TCF3: variants seen among roughly 807,000 people sequenced by gnomAD.
TCF3 encodes transcription factor 3.
TCF3 carries 54 observed loss-of-function variants against 72.3 expected under a neutral mutation model. That is an observed-to-expected ratio of 0.75 (90% CI 0.60 to 0.94). The LOEUF is 0.94. TCF3 is among the 40% of genes least tolerant of loss of function. The pLI, the probability that TCF3 is intolerant of heterozygous loss-of-function variation, is 0.00. For missense variants in TCF3, 1,078 were observed against 934.4 expected, an observed-to-expected ratio of 1.15 and a Z score of -2.00; for synonymous variants, 525 against 412.6, an observed-to-expected ratio of 1.27 and a Z score of -3.30.
Position 1,619,833 on chromosome 19 carries a change from C to CTCT in TCF3, c.1113_1114insAGA (p.Arg371dup), listed in dbSNP as rs745478978. On this transcript the variant is annotated inframe_insertion, in exon 14 of 19. Transcript: ENST00000262965. ...GGCGATAAGGCACCGGGGGCTCCTGCTCGAGGCCACTGTGACGTTCCTGGA... is the reference window on the plus strand; with the variant it reads ...GGCGATAAGGCACCGGGGGCTCCTGCTCTTCGAGGCCACTGTGACGTTCCTGGA... The CTCT allele has an allele frequency of 6.3e-6, 10 of 1,578,196 alleles. No homozygotes were observed. The highest frequency in any genetic ancestry group is 8.6e-6 in the Non-Finnish European group (10 of 1,162,916).
intron 16 of TCF3, chr19:1,616,599 G>A (rs1184427987): frequency 6.6e-6 from 1 of 151,966 alleles, no homozygotes; most frequent in Non-Finnish European, 1.5e-5. Flanking sequence ...AGTGCTCAAA[G>A]CGCTGCTTTT....
In TCF3 at chr19:1,625,442, G is replaced by A. The variant is rs1243642566; in HGVS notation, c.499+134C>T. The A allele has an allele frequency of 1.3e-5, 15 of 1,188,744 alleles. No individual in the cohort carries two copies. The East Asian group carries it at 2.6e-4, about 20-fold the overall frequency. 73.6% of individuals were successfully genotyped at this position (1,188,744 alleles called of 1,614,324 possible). ...CGTCCATCCCTCCCACGGCCCGAGC[G>A]CCCGACGTCCAGCCAGGACCTGGAA... is the stretch of plus-strand genomic sequence containing the variant. On this transcript the variant is annotated intron_variant, in intron 7 of 18. Coordinates refer to ENST00000262965, the MANE Select transcript of TCF3 (RefSeq NM_003200.5).
chr19:1,630,631 C>G (rs570538054), intron 5 of TCF3, among the ~76,000 whole-genome samples: 1 of 152,196 alleles, frequency 6.6e-6, no homozygotes, highest in Non-Finnish European at 1.5e-5. Context: ...CACTGCACCA[C>G]GAAAAGCCAG....
At chr19:1,637,449 G>A (rs542644824) in intron 3 of TCF3, among the ~76,000 whole-genome samples, 139 of 152,292 alleles carry the variant, frequency 9.1e-4, no homozygotes, top group Non-Finnish European at 1.4e-3. Context: ...AGTGGGCATC[G>A]AGCACAGATG....
chr19:1,633,630 C>T (rs1568443916), intron 3 of TCF3, among the ~76,000 whole-genome samples: 2 of 152,148 alleles, frequency 1.3e-5, no homozygotes, highest in African/African-American at 4.8e-5. Context: ...TATTCATGCG[C>T]CTCATTTAGA....
chr19:1,619,327 G>C lies in TCF3; in HGVS notation c.1315C>G (p.His439Asp). The C allele has an allele frequency of 6.3e-7, 1 of 1,575,342 alleles. No individual in the cohort carries two copies. Among genetic ancestry groups the C allele is most frequent in the Non-Finnish European group, 8.6e-7 (1 of 1,166,446 alleles). Residue 439 changes from histidine (H) to aspartate (D), a missense_variant, in exon 15 of 19, where the codon CAC becomes GAC. Physicochemically the swap from His to Asp is moderately conservative, Grantham distance 81. Coordinates refer to ENST00000262965, the MANE Select transcript of TCF3 (RefSeq NM_003200.5). ...FTGPMSLGGR[H>D]AGLVGGSHPE... ...CGCCCAGCGCTCACCAGGCCTGCGT[G>C]CCGCCCGCCCAGTGACATGGGGCCG...
intron 5 of TCF3, among the ~76,000 whole-genome samples, chr19:1,627,816 G>C (rs1451370424): frequency 4.1e-5 from 5 of 120,570 alleles, no homozygotes; most frequent in African/African-American, 1.7e-4. Context: ...CAGGGGGTGA[G>C]GCGGGAAGGG....
chr19:1,625,147 A>C (rs1481357538), intron 7 of TCF3, among the ~76,000 whole-genome samples: 4 of 152,314 alleles, frequency 2.6e-5, no homozygotes, highest in African/African-American at 4.8e-5. Context: ...ATGCCTGGCG[A>C]CTGTGCTGCC....
rs577934428 is a variant in TCF3 at position 1,609,879 on chromosome 19, G to C, written c.*1828C>G. The C allele has an allele frequency of 4.3e-6, 1 of 232,506 alleles. No individual in the cohort carries two copies. Among genetic ancestry groups the C allele is most frequent in the Non-Finnish European group, 8.5e-6 (1 of 117,664 alleles). 14.4% of individuals were successfully genotyped at this position (232,506 alleles called of 1,614,324 possible). A position where few individuals can be genotyped will look rare whatever the true frequency, so the allele number is the denominator to read the frequency against. The stretch of plus-strand genomic sequence containing the variant: ...GGTGGGAGTCTCAGGAGTGGCACGG[G>C]GGGAGACGCCCGACCTGCAGCGGGG... On this transcript the variant is annotated 3_prime_UTR_variant, in exon 19 of 19. Transcript: ENST00000262965.
chr19:1,641,200 GA>G (rs892080040), intron 3 of TCF3, among the ~76,000 whole-genome samples: 14 of 143,748 alleles, frequency 9.7e-5, no homozygotes, highest in East Asian at 6.0e-4. Context: ...GCAATAAAAA[GA>G]AAAAAAAAAG....
chr19:1,612,565 G>C, intron 18 of TCF3: 1 of 831,602 alleles, frequency 1.2e-6, no homozygotes, highest in Non-Finnish European at 1.9e-6. Flanking sequence ...TACACGGCTG[G>C]TGTTGGTGGG....
At chr19:1,640,618 AC>A (rs2065098588) in intron 3 of TCF3, among the ~76,000 whole-genome samples, 1 of 151,850 alleles carries the variant, frequency 6.6e-6, no homozygotes. Flanking sequence ...GGAGATGGAG[AC>A]CATCCTGGCT....
chr19:1,627,808 G>C (rs1386335820), intron 5 of TCF3, among the ~76,000 whole-genome samples: 8 of 110,468 alleles, frequency 7.2e-5, no homozygotes, highest in Non-Finnish European at 1.1e-4. Flanking sequence ...AGAGCTCACA[G>C]GGGGTGAGGC....
intron 5 of TCF3, among the ~76,000 whole-genome samples, chr19:1,627,752 G>A (rs1260183924): frequency 6.6e-6 from 1 of 151,974 alleles, no homozygotes; most frequent in Non-Finnish European, 1.5e-5. Context: ...GGGTGGGGCG[G>A]AAAGGGGACA....
intron 18 of TCF3, chr19:1,612,370 G>A (rs1220014397): frequency 1.2e-6 from 2 of 1,613,960 alleles, no homozygotes; most frequent in South Asian, 1.1e-5. Context: ...GCGCGTTATT[G>A]GCCATGCGCC....
intron 18 of TCF3, among the ~76,000 whole-genome samples, chr19:1,612,748 G>A (rs1467007837): frequency 3.3e-5 from 5 of 151,588 alleles, no homozygotes; most frequent in Non-Finnish European, 7.4e-5. Context: ...CGGGTACACG[G>A]CTTACGTTGG....
intron 3 of TCF3, among the ~76,000 whole-genome samples, chr19:1,642,129 TACACACACACAC>T (rs10531649): frequency 6.7e-4 from 99 of 147,358 alleles, no homozygotes; most frequent in African/African-American, 1.4e-3. Context: ...TGCACAGAAC[TACACACACACAC>T]ACACACACAC....
chr19:1,622,272 C>A (rs999348223), intron 9 of TCF3, 41 bp downstream of exon 9: 2 of 1,507,464 alleles, frequency 1.3e-6, no homozygotes, highest in African/African-American at 2.8e-5. Flanking sequence ...AACCCCAGCC[C>A]TGCCCTACCG....
In TCF3 at chr19:1,619,340, T is replaced by C. The variant is rs8140; in HGVS notation, c.1302A>G (p.Ser434=). 692,002 of 1,577,618 alleles carry C rather than the reference T, an allele frequency of 0.44. 161,199 individuals are homozygous for C. The highest frequency in any genetic ancestry group is 0.86 in the East Asian group (37,848 of 43,914). The part of the protein sequence containing the change: ...ALASGFTGPM[S]LGGRHAGLVG... ...CCAGGCCTGCGTGCCGCCCGCCCAGTGACATGGGGCCGGTGAAACCTGAGG... is the reference window on the plus strand; with the variant it reads ...CCAGGCCTGCGTGCCGCCCGCCCAGCGACATGGGGCCGGTGAAACCTGAGG... The change falls in exon 15 of 19, where the codon TCA becomes TCG. Residue 434 remains serine (S), a synonymous_variant. Transcript: ENST00000262965.
Sources: allele counts gnomAD v4.1 joint callset (sites outside exome capture counted in the v4.1 genomes callset), GRCh38; gene constraint gnomAD v4.1.1; transcripts MANE v1.5; gene names NCBI Gene and HGNC (gene_info 2026-07-23, HGNC 2026-07-21).